SGMS1: variants seen among roughly 807,000 people sequenced by gnomAD.
SGMS1 encodes sphingomyelin synthase 1.
A neutral mutation model predicts 46.2 loss-of-function variants in SGMS1; 13 were observed. The ratio of observed to expected loss-of-function variants is 0.28; its 90% confidence interval spans 0.18 to 0.45. SGMS1 has a LOEUF of 0.45. Among genes scored for constraint, SGMS1 ranks in the 20% least tolerant of loss-of-function variants. The pLI, the probability that SGMS1 is intolerant of heterozygous loss-of-function variation, is 1.00. For missense variants in SGMS1, 324 were observed against 519.9 expected, an observed-to-expected ratio of 0.62 and a Z score of 3.66; for synonymous variants, 203 against 187.8, an observed-to-expected ratio of 1.08 and a Z score of -0.66.
At chr10:50,548,882 G>A (rs1838124928) in intron 2 of SGMS1, among the ~76,000 whole-genome samples, 1 of 152,030 alleles carries the variant, frequency 6.6e-6, no homozygotes, top group African/African-American at 2.4e-5. Context: ...TAAAAAGTGG[G>A]TAAAGGACAT....
At chr10:50,368,117 T>C (rs1195660512) in intron 6 of SGMS1, among the ~76,000 whole-genome samples, 1 of 152,208 alleles carries the variant, frequency 6.6e-6, no homozygotes, top group Non-Finnish European at 1.5e-5. Context: ...TGATGTGCTC[T>C]CCTCTATATC....
chr10:50,495,046 AT>A (rs1450767265), intron 3 of SGMS1, among the ~76,000 whole-genome samples: 5 of 135,594 alleles, frequency 3.7e-5, no homozygotes, highest in African/African-American at 1.4e-4. Context: ...AAAAAAAAAA[AT>A]AAAATAAAAA....
chr10:50,565,783 C>T (rs893185418), intron 2 of SGMS1, among the ~76,000 whole-genome samples: 5 of 152,162 alleles, frequency 3.3e-5, no homozygotes, highest in Admixed American at 2.0e-4. Context: ...AGGGGGCAAC[C>T]TCATCAGGGA....
At chr10:50,426,762 G>A (rs1849331600) in intron 6 of SGMS1, among the ~76,000 whole-genome samples, 1 of 152,214 alleles carries the variant, frequency 6.6e-6, no homozygotes, top group African/African-American at 2.4e-5. Context: ...TAGTCAGACA[G>A]ACCTCTATGA....
At chr10:50,353,572 T>C (rs1848065828) in intron 6 of SGMS1, among the ~76,000 whole-genome samples, 3 of 152,286 alleles carry the variant, frequency 2.0e-5, no homozygotes, top group Admixed American at 1.3e-4. Flanking sequence ...CAACATAGTG[T>C]TGGAAGTTCT....
chr10:50,328,091 T>C (rs1460384782), intron 7 of SGMS1: 1 of 387,724 alleles, frequency 2.6e-6, no homozygotes, highest in Admixed American at 3.8e-5. Context: ...TCTAACAAAA[T>C]TATTTGATAT....
At chr10:50,407,362 A>C (rs1849029387) in intron 6 of SGMS1, among the ~76,000 whole-genome samples, 1 of 152,338 alleles carries the variant, frequency 6.6e-6, no homozygotes. Context: ...AAAATGATGA[A>C]GTACTACATT....
intron 2 of SGMS1, among the ~76,000 whole-genome samples, chr10:50,563,758 A>G (rs1261177653): frequency 6.6e-6 from 1 of 151,452 alleles, no homozygotes; most frequent in African/African-American, 2.4e-5. Context: ...AAAAAAAAAA[A>G]AAAAAAAAGA....
intron 2 of SGMS1, among the ~76,000 whole-genome samples, chr10:50,533,135 G>A (rs142882411): frequency 1.1e-3 from 162 of 152,216 alleles, no homozygotes; most frequent in Middle Eastern, 6.8e-3. Flanking sequence ...TATTTTGAGT[G>A]GACTAATGTT....
In SGMS1 at chr10:50,616,580, T is replaced by C. The variant is rs562035419; in HGVS notation, c.-684+7127A>G. Among the ~76,000 whole-genome samples the C allele has an allele frequency of 5.8e-4, 88 of 152,280 alleles. No individual in the cohort carries two copies. The South Asian group carries it at 0.017, about 29-fold the overall frequency. On this transcript the variant is annotated intron_variant, in intron 1 of 10. Coordinates refer to ENST00000361781, the MANE Select transcript of SGMS1 (RefSeq NM_147156.4). Reference sequence around the variant, plus strand: ...CAGCCTCCCTAAGCGGCGGGGGGTGTTGTTATTCCAGTTTGAGGAAAGAGG... The same window carrying C: ...CAGCCTCCCTAAGCGGCGGGGGGTGCTGTTATTCCAGTTTGAGGAAAGAGG...
chr10:50,509,432 T>C (rs576933385), intron 3 of SGMS1, among the ~76,000 whole-genome samples: 1 of 152,318 alleles, frequency 6.6e-6, no homozygotes, highest in East Asian at 1.9e-4. Context: ...AGACATTTGA[T>C]AAGCCATTCT....
intron 3 of SGMS1, among the ~76,000 whole-genome samples, chr10:50,512,214 G>C (rs1420574701): frequency 6.6e-6 from 1 of 152,078 alleles, no homozygotes; most frequent in African/African-American, 2.4e-5. Flanking sequence ...GGCAGACGCA[G>C]GACAGAAGGA....
chr10:50,341,214 A>C, intron 7 of SGMS1: 1 of 399,104 alleles, frequency 2.5e-6, no homozygotes, highest in Admixed American at 2.9e-5. Context: ...AAAAGATTTT[A>C]ACCTTCTCTA....
intron 2 of SGMS1, among the ~76,000 whole-genome samples, chr10:50,562,392 G>A (rs1019336263): frequency 6.6e-6 from 1 of 150,404 alleles, no homozygotes; most frequent in African/African-American, 2.4e-5. Context: ...ACACGGGCGC[G>A]CATGCGCACT....
chr10:50,343,181 T>C (rs1847847491), intron 7 of SGMS1: 1 of 206,414 alleles, frequency 4.8e-6, no homozygotes, highest in Non-Finnish European at 9.7e-6. Context: ...GTGGTTGATC[T>C]GTTGTTCAAT....
In SGMS1 at chr10:50,483,111, G is replaced by A. The variant is rs757109350; in HGVS notation, c.-497-16179C>T. Reference sequence around the variant, plus strand: ...TTTGTGTTTTTTGAGACACAGTCTCGCTCTATCGCCCAGGCTGGAGTGCAG... The same window carrying A: ...TTTGTGTTTTTTGAGACACAGTCTCACTCTATCGCCCAGGCTGGAGTGCAG... On this transcript the variant is annotated intron_variant, in intron 3 of 10. Transcript: ENST00000361781. Among the ~76,000 whole-genome samples, 8 of 152,272 alleles carry A rather than the reference G, an allele frequency of 5.3e-5. No homozygotes were observed. In the East Asian group the frequency reaches 5.8e-4, roughly 11 times the overall value.
upstream of SGMS1, chr10:50,624,234 A>C: frequency 5.7e-6 from 3 of 530,770 alleles, no homozygotes; most frequent in Non-Finnish European, 7.2e-6. Context: ...AGATTTTACA[A>C]TCTGGGACGG....
intron 6 of SGMS1, among the ~76,000 whole-genome samples, chr10:50,427,972 TGAGA>T (rs922822313): frequency 8.7e-5 from 10 of 114,396 alleles, no homozygotes; most frequent in South Asian, 5.1e-4. Flanking sequence ...TGCGTGTGAA[TGAGA>T]GAGAGAGAGA....
At chr10:50,536,258 A>G (rs1321085634) in intron 2 of SGMS1, among the ~76,000 whole-genome samples, 5 of 152,116 alleles carry the variant, frequency 3.3e-5, no homozygotes, top group Non-Finnish European at 7.4e-5. Context: ...CCTTGAACCC[A>G]GGAGATCAAG....
Sources: allele counts gnomAD v4.1 joint callset (sites outside exome capture counted in the v4.1 genomes callset), GRCh38; gene constraint gnomAD v4.1.1; transcripts MANE v1.5; gene names NCBI Gene and HGNC (gene_info 2026-07-23, HGNC 2026-07-21).